The following PAK5 variants were observed in gnomAD, a reference collection of about 807,000 sequenced individuals.
The protein encoded by PAK5 is serine/threonine-protein kinase PAK 5.
PAK5 carries 16 observed loss-of-function variants against 65.9 expected under a neutral mutation model. That is an observed-to-expected ratio of 0.24 (90% CI 0.16 to 0.37). The LOEUF is 0.37. Ranked by LOEUF, PAK5 falls within the 10% of genes least tolerant of loss-of-function variation. The pLI is 1.00. For missense variants in PAK5, 785 were observed against 903.9 expected (o/e 0.87, Z 1.69); for synonymous variants, 371 against 354.9 (o/e 1.05, Z -0.51).
chr20:9,811,118 A>G (rs1278170257), intron 1 of PAK5, among the ~76,000 whole-genome samples: 2 of 152,204 alleles, frequency 1.3e-5, no homozygotes, highest in Admixed American at 6.5e-5. Flanking sequence ...TTTAATGACT[A>G]TGGAATATTT....
At chr20:9,551,361 C>A (rs1385806671) in intron 7 of PAK5, among the ~76,000 whole-genome samples, 2 of 152,094 alleles carry the variant, frequency 1.3e-5, no homozygotes, top group Non-Finnish European at 2.9e-5. Flanking sequence ...TGTTGTCCGC[C>A]CCCTAAAAGG....
At chr20:9,542,826 A>G in intron 8 of PAK5, 106 bp from the exon 9 acceptor site, 2 of 943,712 alleles carry the variant, frequency 2.1e-6, no homozygotes, top group Non-Finnish European at 3.2e-6. Flanking sequence ...TGGCACTTGT[A>G]ACCTCTCAAC....
Position 9,707,844 on chromosome 20 carries a change from G to C in PAK5, c.-12+3442C>G, listed in dbSNP as rs115087235. On this transcript the variant is annotated intron_variant, in intron 2 of 9. Coordinates refer to ENST00000353224, the MANE Select transcript of PAK5 (RefSeq NM_177990.4). ...TTCAGCCCCAGCCAACCTGTCAGCA[G>C]ACTACAGAGCAAACCTAGCTAAGAT... Among the ~76,000 whole-genome samples, 1,412 of 152,276 alleles carry C rather than the reference G, an allele frequency of 9.3e-3. 13 individuals are homozygous for C. The highest frequency in any genetic ancestry group is 0.044 in the Middle Eastern group (13 of 294).
At chr20:9,779,046 CTT>C (rs527917805) in intron 1 of PAK5, among the ~76,000 whole-genome samples, 2 of 152,026 alleles carry the variant, frequency 1.3e-5, no homozygotes, top group African/African-American at 4.8e-5. Context: ...TTTAGCGTCT[CTT>C]TTTTTCATGA....
chr20:9,822,053 C>T (rs2049427764), intron 1 of PAK5, among the ~76,000 whole-genome samples: 1 of 152,126 alleles, frequency 6.6e-6, no homozygotes, highest in Non-Finnish European at 1.5e-5. Flanking sequence ...CTTTGGGAGG[C>T]TGAGGCAGGC....
chr20:9,792,303 T>C (rs1424577939), intron 1 of PAK5, among the ~76,000 whole-genome samples: 1 of 152,160 alleles, frequency 6.6e-6, no homozygotes, highest in Non-Finnish European at 1.5e-5. Context: ...CAATCTAAGA[T>C]ACCATGTCTA....
Position 9,712,514 on chromosome 20 carries a change from G to A in PAK5, c.-161-1079C>T, listed in dbSNP as rs368202864. On this transcript the variant is annotated intron_variant, in intron 1 of 9. Transcript: ENST00000353224. ...AACATTCTTTGCAGAAATAGAAAAA[G>A]GAATCCTAAAATTCATGCAGAAACA... Among the ~76,000 whole-genome samples the A allele has an allele frequency of 8.7e-4, 132 of 152,054 alleles. 1 individual carries two copies. The highest frequency in any genetic ancestry group is 3.0e-3 in the African/African-American group (124 of 41,502).
intron 3 of PAK5, among the ~76,000 whole-genome samples, chr20:9,602,940 C>T (rs543654776): frequency 1.3e-5 from 2 of 152,322 alleles, no homozygotes; most frequent in South Asian, 2.1e-4. Context: ...TCATCACTCA[C>T]GAATTTCAGT....
chr20:9,763,185 A>C (rs117308992), intron 1 of PAK5, among the ~76,000 whole-genome samples: 3,919 of 152,248 alleles, frequency 0.026, 71 homozygotes, highest in Middle Eastern at 0.054. Flanking sequence ...GGTTCTGTAG[A>C]TCTACTATAT....
intron 1 of PAK5, among the ~76,000 whole-genome samples, chr20:9,779,976 C>A (rs1206352075): frequency 6.6e-6 from 1 of 152,020 alleles, no homozygotes; most frequent in Non-Finnish European, 1.5e-5. Context: ...AAAATGCATG[C>A]TTTACCATAT....
At position 9,538,866 on chromosome 20, in the gene PAK5, G is replaced by C. The variant is rs2045211682; in HGVS notation, c.*596C>G. The C allele has an allele frequency of 4.3e-6, 1 of 233,064 alleles. No individual in the cohort carries two copies. Among genetic ancestry groups the C allele is most frequent in the African/African-American group, 2.2e-5 (1 of 45,304 alleles). 14.4% of individuals were successfully genotyped at this position (233,064 alleles called of 1,614,324 possible). On this transcript the variant is annotated 3_prime_UTR_variant, in exon 10 of 10. Coordinates refer to ENST00000353224, the MANE Select transcript of PAK5 (RefSeq NM_177990.4). ...GATTGAGAGTCATTCAGTATTCAAA[G>C]TTCCTAAAGAATCATTGGTTCTCTT...
intron 1 of PAK5, among the ~76,000 whole-genome samples, chr20:9,837,717 T>TA (rs777976047): frequency 2.0e-5 from 3 of 152,228 alleles, no homozygotes; most frequent in Non-Finnish European, 4.4e-5. Flanking sequence ...GTGAGTTACC[T>TA]AAGACCCTGT....
At chr20:9,586,116 T>C (rs984935013) in intron 3 of PAK5, among the ~76,000 whole-genome samples, 1 of 152,190 alleles carries the variant, frequency 6.6e-6, no homozygotes, top group African/African-American at 2.4e-5. Flanking sequence ...TCTGCTCATA[T>C]CAAATTGGTA....
At chr20:9,772,641 A>T (rs2048846668) in intron 1 of PAK5, among the ~76,000 whole-genome samples, 2 of 152,242 alleles carry the variant, frequency 1.3e-5, no homozygotes, top group Non-Finnish European at 2.9e-5. Flanking sequence ...ATATTAATAG[A>T]TCAGCATGAT....
chr20:9,684,712 C>A (rs181573634), intron 2 of PAK5, among the ~76,000 whole-genome samples: 13 of 152,270 alleles, frequency 8.5e-5, no homozygotes, highest in African/African-American at 3.1e-4. Context: ...CTCATTCCTG[C>A]TGAATGTTTC....
chr20:9,598,100 T>C (rs1383298007), intron 3 of PAK5, among the ~76,000 whole-genome samples: 1 of 152,204 alleles, frequency 6.6e-6, no homozygotes, highest in Non-Finnish European at 1.5e-5. Flanking sequence ...CTTATCCTGA[T>C]GCTTTCCCTC....
intron 1 of PAK5, among the ~76,000 whole-genome samples, chr20:9,823,833 C>G (rs933657136): frequency 6.6e-6 from 1 of 152,024 alleles, no homozygotes; most frequent in African/African-American, 2.4e-5. Flanking sequence ...GAAATCCTAA[C>G]TAAAATAGAG....
chr20:9,755,708 T>G (rs774044927), intron 1 of PAK5, among the ~76,000 whole-genome samples: 8 of 152,178 alleles, frequency 5.3e-5, no homozygotes, highest in Non-Finnish European at 1.2e-4. Context: ...AAAAGTCTCC[T>G]GTAAATGAGT....
At chr20:9,837,124 T>G (rs1600429871) in intron 1 of PAK5, among the ~76,000 whole-genome samples, 1 of 152,210 alleles carries the variant, frequency 6.6e-6, no homozygotes, top group East Asian at 1.9e-4. Flanking sequence ...TAGTACAATC[T>G]CTACCCACTC....
Sources: gnomAD v4.1 joint callset for allele counts (sites outside exome capture counted in the v4.1 genomes callset) on GRCh38, gnomAD v4.1.1 for gene constraint, MANE v1.5 for transcripts, NCBI Gene and HGNC (gene_info 2026-07-23, HGNC 2026-07-21) for gene names.